The following KCNQ5 variants were observed in gnomAD, a reference collection of about 807,000 sequenced individuals.
The protein encoded by KCNQ5 is potassium voltage-gated channel subfamily KQT member 5.
KCNQ5 carries 30 observed loss-of-function variants against 98.2 expected under a neutral mutation model. That is an observed-to-expected ratio of 0.31 (90% CI 0.23 to 0.41). The LOEUF is 0.41. KCNQ5 is among the 10% of genes least tolerant of loss of function. The pLI, the probability that KCNQ5 is intolerant of heterozygous loss-of-function variation, is 1.00. For synonymous variants in KCNQ5, 458 were observed against 449.4 expected, an observed-to-expected ratio of 1.02 and a Z score of -0.24; for missense variants, 835 against 1,182.5, an observed-to-expected ratio of 0.71 and a Z score of 4.31.
intron 1 of KCNQ5, among the ~76,000 whole-genome samples, chr6:72,749,824 A>G (rs1047376151): frequency 6.6e-6 from 1 of 152,004 alleles, no homozygotes; most frequent in Non-Finnish European, 1.5e-5. Flanking sequence ...GACCTTTTTC[A>G]TTTATTTCTT....
At chr6:73,101,499 G>A (rs1235834380) in intron 5 of KCNQ5, among the ~76,000 whole-genome samples, 1 of 152,050 alleles carries the variant, frequency 6.6e-6, no homozygotes. Context: ...CTTATATTTG[G>A]AAAAACCTAG....
intron 1 of KCNQ5, among the ~76,000 whole-genome samples, chr6:72,663,662 A>T (rs1192788846): frequency 2.0e-5 from 3 of 152,260 alleles, no homozygotes; most frequent in Non-Finnish European, 4.4e-5. Flanking sequence ...AAAGGAAATT[A>T]AAGTTTAGGA....
rs536989782 is a variant in KCNQ5, at chr6:72,919,258, T to C, written c.399-84650T>C. Among the ~76,000 whole-genome samples the C allele has an allele frequency of 1.3e-4, 20 of 152,296 alleles. No homozygotes were observed. The East Asian group carries it at 3.7e-3, about 28-fold the overall frequency. On this transcript the variant is annotated intron_variant, in intron 1 of 13. Coordinates refer to ENST00000370398, the MANE Select transcript of KCNQ5 (RefSeq NM_019842.4). ...ATCAGAGGGTCACCTAGACTACTCATTCAGCAGTCTGTAAGGACAAAGGCA... is the reference window on the plus strand; with the variant it reads ...ATCAGAGGGTCACCTAGACTACTCACTCAGCAGTCTGTAAGGACAAAGGCA...
chr6:73,071,036 T>C (rs950041444), intron 3 of KCNQ5, among the ~76,000 whole-genome samples: 3 of 152,182 alleles, frequency 2.0e-5, no homozygotes, highest in African/African-American at 7.2e-5. Flanking sequence ...GACTTAAAAA[T>C]GACATGAAAT....
At chr6:72,923,119 A>T (rs1275664892) in intron 1 of KCNQ5, among the ~76,000 whole-genome samples, 1 of 151,946 alleles carries the variant, frequency 6.6e-6, no homozygotes, top group African/African-American at 2.4e-5. Context: ...GCCAGGACAC[A>T]TTTCTTTATC....
intron 1 of KCNQ5, among the ~76,000 whole-genome samples, chr6:72,784,575 A>G (rs1295871708): frequency 6.6e-6 from 1 of 152,198 alleles, no homozygotes; most frequent in African/African-American, 2.4e-5. Flanking sequence ...TCAGGCCTCC[A>G]CAGGGTCTTG....
chr6:72,642,277 A>C (rs964492520), intron 1 of KCNQ5, among the ~76,000 whole-genome samples: 1 of 151,890 alleles, frequency 6.6e-6, no homozygotes, highest in African/African-American at 2.4e-5. Flanking sequence ...TTTTAAAATG[A>C]GCAAGGGATA....
intron 1 of KCNQ5, among the ~76,000 whole-genome samples, chr6:72,860,632 G>C (rs1438674331): frequency 6.6e-6 from 1 of 151,968 alleles, no homozygotes; most frequent in East Asian, 1.9e-4. Context: ...GACTTTTAGA[G>C]AATCAATGTA....
intron 5 of KCNQ5, among the ~76,000 whole-genome samples, chr6:73,091,212 T>C (rs1582336922): frequency 6.6e-6 from 1 of 152,094 alleles, no homozygotes; most frequent in South Asian, 2.1e-4. Flanking sequence ...CTCAGCAAAG[T>C]AACTCAAGAA....
intron 1 of KCNQ5, among the ~76,000 whole-genome samples, chr6:72,918,015 T>G (rs1425773999): frequency 6.6e-6 from 1 of 152,118 alleles, no homozygotes; most frequent in Admixed American, 6.6e-5. Flanking sequence ...CCGCACCCCT[T>G]AGTTGTAACA....
intron 10 of KCNQ5, among the ~76,000 whole-genome samples, chr6:73,140,298 T>TC (rs1378696486): frequency 3.3e-5 from 5 of 152,170 alleles, no homozygotes; most frequent in African/African-American, 4.8e-5. Flanking sequence ...TTTCTCAGTC[T>TC]CCCCAGTTGA....
chr6:72,996,209 T>C (rs1769292638), intron 1 of KCNQ5, among the ~76,000 whole-genome samples: 1 of 150,102 alleles, frequency 6.7e-6, no homozygotes, highest in Non-Finnish European at 1.5e-5. Flanking sequence ...TCCATAAAAA[T>C]GTATACCAGA....
At chr6:73,020,159 G>C (rs749744529) in intron 2 of KCNQ5, among the ~76,000 whole-genome samples, 2 of 152,054 alleles carry the variant, frequency 1.3e-5, no homozygotes, top group Admixed American at 6.6e-5. Context: ...CCTGGAGATA[G>C]AGTCAGATCC....
At chr6:73,068,188 G>A (rs900263500) in intron 3 of KCNQ5, among the ~76,000 whole-genome samples, 2 of 151,900 alleles carry the variant, frequency 1.3e-5, no homozygotes, top group Non-Finnish European at 2.9e-5. Flanking sequence ...CCCAGCTACT[G>A]GGGAGGCTGA....
chr6:72,992,790 GCT>G (rs1769106564), intron 1 of KCNQ5, among the ~76,000 whole-genome samples: 1 of 109,504 alleles, frequency 9.1e-6, no homozygotes, highest in Non-Finnish European at 1.8e-5. Flanking sequence ...TTTTGCAGCG[GCT>G]GGTACCGGTT....
intron 10 of KCNQ5, among the ~76,000 whole-genome samples, chr6:73,163,859 T>G (rs1271671483): frequency 6.6e-6 from 1 of 152,208 alleles, no homozygotes; most frequent in Non-Finnish European, 1.5e-5. Context: ...TATTTGCTCG[T>G]TTTTTTAACT....
intron 1 of KCNQ5, among the ~76,000 whole-genome samples, chr6:72,850,267 T>C (rs940297134): frequency 4.6e-5 from 7 of 152,182 alleles, no homozygotes; most frequent in Non-Finnish European, 8.8e-5. Context: ...AGTCAAAGTC[T>C]GGACTTGAGT....
intron 1 of KCNQ5, among the ~76,000 whole-genome samples, chr6:72,910,688 C>G (rs1413868957): frequency 1.3e-5 from 2 of 151,762 alleles, no homozygotes; most frequent in Non-Finnish European, 2.9e-5. Context: ...TCTTCTAACT[C>G]AAATACCCTT....
intron 1 of KCNQ5, among the ~76,000 whole-genome samples, chr6:72,710,444 A>G (rs1769308887): frequency 6.6e-6 from 1 of 152,210 alleles, no homozygotes; most frequent in Non-Finnish European, 1.5e-5. Flanking sequence ...TGCCTACAAG[A>G]GACTAATTTC....
Sources: gnomAD v4.1 joint callset for allele counts (sites outside exome capture counted in the v4.1 genomes callset) on GRCh38, gnomAD v4.1.1 for gene constraint, MANE v1.5 for transcripts, NCBI Gene and HGNC (gene_info 2026-07-23, HGNC 2026-07-21) for gene names.